CTNND2: variants seen among roughly 807,000 people sequenced by gnomAD.
CTNND2 encodes catenin delta-2.
A neutral mutation model predicts 144.4 loss-of-function variants in CTNND2; 22 were observed. That is an observed-to-expected ratio of 0.15 (90% confidence interval 0.11 to 0.22). The LOEUF is 0.22. CTNND2 is among the 10% of genes least tolerant of loss of function. CTNND2 has a pLI of 1.00. For synonymous variants in CTNND2, 751 were observed against 695.6 expected (o/e 1.08, Z -1.25); for missense variants, 1,353 against 1,618.8 (o/e 0.84, Z 2.82).
chr5:11,108,719 G>A (rs1171065559), intron 14 of CTNND2, among the ~76,000 whole-genome samples: 1 of 152,134 alleles, frequency 6.6e-6, no homozygotes, highest in Non-Finnish European at 1.5e-5. Flanking sequence ...GTTTTTCTCA[G>A]TGGCCCTCTG....
At chr5:11,387,058 A>T (rs996351699) in intron 6 of CTNND2, among the ~76,000 whole-genome samples, 4 of 152,064 alleles carry the variant, frequency 2.6e-5, no homozygotes, top group Non-Finnish European at 4.4e-5. Context: ...GGGTGCTTTT[A>T]AAAAAAATCT....
chr5:11,508,527 C>G (rs552660305), intron 3 of CTNND2: 1 of 152,252 alleles, frequency 6.6e-6, no homozygotes, highest in African/African-American at 2.4e-5. Context: ...GTGAAATAAT[C>G]TCTTTTATGT....
In CTNND2 at chr5:11,325,920, T is replaced by C. The variant is rs1481412322; in HGVS notation, c.1628+20452A>G. 2.0e-5 allele frequency among the ~76,000 whole-genome samples: 3 copies of C among 152,218 alleles called. No individual in the cohort carries two copies. In the East Asian group the frequency reaches 5.8e-4, roughly 29 times the overall value. The stretch of plus-strand genomic sequence containing the variant: ...ATGAGGACTGCACCCAAATGGCTTT[T>C]GTGTCCTGTTTCACATTCTGATGTT... On this transcript the variant is annotated intron_variant, in intron 9 of 21. Coordinates refer to ENST00000304623, the MANE Select transcript of CTNND2 (RefSeq NM_001332.4).
Position 10,974,632 on chromosome 5 carries a change from T to C in CTNND2, c.3418-919A>G, listed in dbSNP as rs61752742. Among the ~76,000 whole-genome samples the C allele has an allele frequency of 7.2e-5, 11 of 152,304 alleles. No homozygotes were observed. In the East Asian group the frequency reaches 1.9e-3, roughly 27 times the overall value. On this transcript the variant is annotated intron_variant, in intron 21 of 21. Transcript: ENST00000304623. ...ACCCTACAGCAAGTGCATACCGGGA[T>C]GCACAAAGCTCTGCTAATGTGCAGT... is the stretch of plus-strand genomic sequence containing the variant.
At chr5:11,875,165 C>A (rs548544094) in intron 1 of CTNND2, among the ~76,000 whole-genome samples, 1 of 152,252 alleles carries the variant, frequency 6.6e-6, no homozygotes, top group East Asian at 1.9e-4. Flanking sequence ...ATTGTTCAAT[C>A]ATTCTGGTAG....
intron 5 of CTNND2, among the ~76,000 whole-genome samples, chr5:11,400,409 A>G (rs1326722197): frequency 6.6e-6 from 1 of 152,108 alleles, no homozygotes; most frequent in Non-Finnish European, 1.5e-5. Flanking sequence ...TTTGCCTTCA[A>G]GACGCTGACC....
chr5:11,062,268 C>T (rs1222204405), intron 16 of CTNND2, among the ~76,000 whole-genome samples: 1 of 152,196 alleles, frequency 6.6e-6, no homozygotes, highest in Admixed American at 6.5e-5. Context: ...ATGGTATGAA[C>T]AATGAATTGT....
chr5:11,199,522 T>C lies in CTNND2; in HGVS notation c.1901A>G (p.Asn634Ser). The change falls in exon 11 of 22, where the codon AAC (asparagine) becomes AGC (serine). Residue 634 changes from asparagine (N) to serine (S), a missense_variant. Physicochemically the swap from Asn to Ser is conservative, Grantham distance 46 (BLOSUM62 1). Around this residue, in one of 4 missense-constraint regions of CTNND2, gnomAD observed 117 missense variants for 117.8 expected, o/e 0.99. Transcript: ENST00000304623. ...ANDDNKIALK[N>S]CGGIPALVRL... ...CACCAGTGCTGGGATGCCACCACAG[T>C]TTTTCAGGGCAATTTTGTTATCATC... The C allele has an allele frequency of 6.2e-7, 1 of 1,614,122 alleles. No homozygotes were observed. The highest frequency in any genetic ancestry group is 8.5e-7 in the Non-Finnish European group (1 of 1,180,016).
chr5:11,552,959 G>C (rs1775894459), intron 3 of CTNND2, among the ~76,000 whole-genome samples: 1 of 152,184 alleles, frequency 6.6e-6, no homozygotes, highest in Non-Finnish European at 1.5e-5. Flanking sequence ...GAGTGGATAT[G>C]ATGGAGACAC....
chr5:11,636,492 G>A (rs1294387797), intron 2 of CTNND2, among the ~76,000 whole-genome samples: 1 of 152,162 alleles, frequency 6.6e-6, no homozygotes, highest in Non-Finnish European at 1.5e-5. Context: ...AAGGGTGGGG[G>A]AAGTCATCCA....
At chr5:11,546,795 C>T (rs541448058) in intron 3 of CTNND2, among the ~76,000 whole-genome samples, 2 of 152,164 alleles carry the variant, frequency 1.3e-5, no homozygotes, top group Non-Finnish European at 2.9e-5. Context: ...TAATTCTCCC[C>T]CAATTTCTCA....
At chr5:11,497,581 C>T (rs1367223652) in intron 3 of CTNND2, among the ~76,000 whole-genome samples, 1 of 138,000 alleles carries the variant, frequency 7.2e-6, no homozygotes, top group Non-Finnish European at 1.5e-5. Flanking sequence ...TTTTAAAGTA[C>T]TGAAATATCT....
At chr5:11,674,351 CACTTA>C (rs1433711598) in intron 2 of CTNND2, among the ~76,000 whole-genome samples, 2 of 152,108 alleles carry the variant, frequency 1.3e-5, no homozygotes, top group Non-Finnish European at 2.9e-5. Flanking sequence ...TATATTTTAT[CACTTA>C]ACTTATTAAT....
At chr5:11,555,126 G>A (rs978200133) in intron 3 of CTNND2, among the ~76,000 whole-genome samples, 15 of 151,980 alleles carry the variant, frequency 9.9e-5, no homozygotes, top group African/African-American at 2.7e-4. Context: ...TATTCATTCC[G>A]CACTGATTAA....
chr5:11,262,053 G>T (rs1310204412), intron 9 of CTNND2, among the ~76,000 whole-genome samples: 2 of 152,148 alleles, frequency 1.3e-5, no homozygotes, highest in Admixed American at 6.5e-5. Flanking sequence ...ATAGGCACCT[G>T]TTAAAAAAGA....
intron 9 of CTNND2, among the ~76,000 whole-genome samples, chr5:11,269,293 G>T (rs1032757930): frequency 1.6e-4 from 25 of 152,174 alleles, no homozygotes; most frequent in Admixed American, 6.5e-5. Context: ...TTGCTCCTTA[G>T]CCTTCAAAAA....
At chr5:11,160,328 A>G (rs1758648066) in intron 11 of CTNND2, among the ~76,000 whole-genome samples, 1 of 152,240 alleles carries the variant, frequency 6.6e-6, no homozygotes, top group Non-Finnish European at 1.5e-5. Flanking sequence ...TCTGAAAGCA[A>G]TGCTCATGGA....
intron 7 of CTNND2, among the ~76,000 whole-genome samples, chr5:11,375,883 C>A (rs1025026417): frequency 2.0e-5 from 3 of 152,108 alleles, no homozygotes; most frequent in African/African-American, 7.2e-5. Flanking sequence ...TAACAACAAG[C>A]GAACTGACTA....
At chr5:11,340,832 G>A (rs1435472719) in intron 9 of CTNND2, among the ~76,000 whole-genome samples, 1 of 152,166 alleles carries the variant, frequency 6.6e-6, no homozygotes, top group Admixed American at 6.5e-5. Context: ...TTCCCCACAT[G>A]TAAAATAGGT....
Sources: gnomAD v4.1 joint callset for allele counts (sites outside exome capture counted in the v4.1 genomes callset) on GRCh38, gnomAD v4.1.1 for gene constraint, gnomAD v4.1.1 regional missense constraint, MANE v1.5 for transcripts, NCBI Gene and HGNC (gene_info 2026-07-23, HGNC 2026-07-21) for gene names.